The following CAD variants were observed in gnomAD, a reference collection of about 807,000 sequenced individuals.
CAD encodes the protein multifunctional protein CAD.
Under a neutral mutation model 237.2 loss-of-function variants are expected in CAD, and 81 were observed. The observed-to-expected ratio is 0.34, with a 90% CI of 0.29 to 0.41. The LOEUF is 0.41. Among genes scored for constraint, CAD ranks in the 10% least tolerant of loss-of-function variants. The probability of loss-of-function intolerance (pLI) is 1.00; values close to 1 mark genes in which losing one functional copy is unlikely to be tolerated. For missense variants in CAD, 2,181 were observed against 2,951.7 expected, an observed-to-expected ratio of 0.74 and a Z score of 6.05; for synonymous variants, 1,196 against 1,162.8, an observed-to-expected ratio of 1.03 and a Z score of -0.58.
At chr2:27,217,722 C>T in intron 1 of CAD, 89 bp downstream of exon 1, 1 of 1,432,436 alleles carries the variant, frequency 7.0e-7, no homozygotes, top group South Asian at 1.3e-5. Flanking sequence ...CCGCCATTTT[C>T]CCGCCAGCGT....
In CAD at chr2:27,233,875, T is replaced by C; in HGVS notation, c.3399+67T>C. 9 of 1,582,278 alleles carry C rather than the reference T, an allele frequency of 5.7e-6. No homozygotes were observed. Among genetic ancestry groups the C allele is most frequent in the Non-Finnish European group, 6.9e-6 (8 of 1,155,464 alleles). ...CAGCCCTGGAGGAGACTTCCTTCTC[T>C]GGTCCAGCAGAATCATAGGCACCAG... is the stretch of plus-strand genomic sequence containing the variant. On this transcript the variant is annotated intron_variant, in intron 21 of 43. Coordinates refer to ENST00000264705, the MANE Select transcript of CAD (RefSeq NM_004341.5). The surrounding 1 kb of genome is among the most constrained non-coding windows in gnomAD (Gnocchi z 6.3).
intron 22 of CAD, 103 bp downstream of exon 22, chr2:27,234,329 T>A: frequency 8.1e-7 from 1 of 1,241,042 alleles, no homozygotes; most frequent in Non-Finnish European, 1.2e-6. Context: ...TTCATCCAAG[T>A]AGGCAGGGAA....
chr2:27,243,641 A>G lies in CAD; in HGVS notation c.*123A>G. 5 of 772,196 alleles carry G rather than the reference A, an allele frequency of 6.5e-6. No individual in the cohort carries two copies. Among genetic ancestry groups the G allele is most frequent in the Non-Finnish European group, 1.1e-5 (5 of 472,600 alleles). The allele number at this position is 772,196 out of a possible 1,614,324, so 47.8% of individuals were successfully genotyped here. A position where few individuals can be genotyped will look rare whatever the true frequency, so the allele number is the denominator to read the frequency against. On this transcript the variant is annotated 3_prime_UTR_variant, in exon 44 of 44. Transcript: ENST00000264705. ...TCCAGATAGCTCACATGTGCTGACC[A>G]CACTTCAGGCTCTGGACTGGAGCTC... is the stretch of plus-strand genomic sequence containing the variant.
chr2:27,225,043 C>T lies in CAD; in HGVS notation c.1420C>T (p.Leu474=), dbSNP rs1675365326. Residue 474 remains leucine, a synonymous_variant, in exon 11 of 44, where the codon CTG becomes TTG. Coordinates refer to ENST00000264705, the MANE Select transcript of CAD (RefSeq NM_004341.5). The part of the protein sequence containing the change: ...IRNERPDGVL[L]TFGGQTALNC... ...TAATGAACGCCCCGATGGTGTGTTACTGACTTTTGGGGGCCAGACTGCTCT... is the reference window on the plus strand; with the variant it reads ...TAATGAACGCCCCGATGGTGTGTTATTGACTTTTGGGGGCCAGACTGCTCT... The T allele has an allele frequency of 6.2e-7, 1 of 1,612,342 alleles. No individual in the cohort carries two copies. The highest frequency in any genetic ancestry group is 8.5e-7 in the Non-Finnish European group (1 of 1,178,512).
Position 27,217,874 on chromosome 2 carries a change from C to G in CAD, c.83-3C>G, listed in dbSNP as rs151119882. On this transcript the variant is annotated splice_polypyrimidine_tract_variant and splice_region_variant and intron_variant, in intron 1 of 43. Transcript: ENST00000264705. ...GGAGCCCAGCCCTGCTTCTTTCTTGCAGTGTTTCAAACCGGCATGGTCGGC... is the reference window on the plus strand; with the variant it reads ...GGAGCCCAGCCCTGCTTCTTTCTTGGAGTGTTTCAAACCGGCATGGTCGGC... 2 of 1,597,034 alleles carry G rather than the reference C, an allele frequency of 1.3e-6. No individual in the cohort carries two copies. The highest frequency in any genetic ancestry group is 1.8e-5 in the Admixed American group (1 of 57,046).
chr2:27,226,532 T>A lies in CAD; in HGVS notation c.2039T>A (p.Ile680Asn). The stretch of plus-strand genomic sequence containing the variant: ...TATTCTCCTTCTTTGCAGTATTACA[T>A]CATTGAAGTGAATGCCAGGCTCTCT... ...ALNPESEQYY[I>N]IEVNARLSRS... The change falls in exon 14 of 44, where the codon ATC becomes AAC. Residue 680 changes from isoleucine to asparagine, a missense_variant. Ile to Asn is a moderately radical substitution (Grantham distance 149). Coordinates refer to ENST00000264705, the MANE Select transcript of CAD (RefSeq NM_004341.5). 1.2e-6 allele frequency: 2 copies of A among 1,614,148 alleles called. No individual in the cohort carries two copies. The highest frequency in any genetic ancestry group is 1.7e-6 in the Non-Finnish European group (2 of 1,180,012).
At chr2:27,219,055 G>A (rs1675019834) in intron 2 of CAD, among the ~76,000 whole-genome samples, 1 of 152,144 alleles carries the variant, frequency 6.6e-6, no homozygotes, top group African/African-American at 2.4e-5. Context: ...GTCAACTCTA[G>A]ACACACTGAC....
rs1558542185 is a variant in CAD at position 27,238,169 on chromosome 2, C to T, written c.4842C>T (p.His1614=). ...QLTQRSVHIC[H]VARKEEILLI... ...CTCAGCGCTCAGTGCACATATGTCA[C>T]GTGGCACGGAAGGAGGAGGTAAGAG... The change falls in exon 30 of 44, where the codon CAC becomes CAT. Residue 1614 remains histidine, a synonymous_variant. Coordinates refer to ENST00000264705, the MANE Select transcript of CAD (RefSeq NM_004341.5). 6 of 1,614,080 alleles carry T rather than the reference C, an allele frequency of 3.7e-6. No individual in the cohort carries two copies. The highest frequency in any genetic ancestry group is 2.2e-5 in the East Asian group (1 of 44,882).
At position 27,222,934 on chromosome 2, in the gene CAD, C is replaced by A; in HGVS notation, c.706C>A (p.Leu236Met). 1 of 1,614,208 alleles carries A rather than the reference C, an allele frequency of 6.2e-7. No individual in the cohort carries two copies. The highest frequency in any genetic ancestry group is 8.5e-7 in the Non-Finnish European group (1 of 1,180,030). Residue 236 changes from leucine (L) to methionine (M), a missense_variant, in exon 6 of 44, where the codon CTG (leucine) becomes ATG (methionine). By Grantham distance (15) the Leu-to-Met change is conservative. This residue lies in a region of CAD where 314 missense variants were observed against 339.4 expected (regional missense o/e 0.93). Transcript: ENST00000264705. Reference protein sequence around the residue: ...PASYPSVVSTLSRVLSEPNPR... With the variant: ...PASYPSVVSTMSRVLSEPNPR... ...CTCCTATCCCAGTGTCGTATCCACACTGAGCCGTGTTTTATCTGAGCCTAA... is the reference window on the plus strand; with the variant it reads ...CTCCTATCCCAGTGTCGTATCCACAATGAGCCGTGTTTTATCTGAGCCTAA...
In CAD at chr2:27,240,599, C is replaced by T. The variant is rs772157629; in HGVS notation, c.5593+238C>T. On this transcript the variant is annotated intron_variant, in intron 35 of 43. Transcript: ENST00000264705. The surrounding 1 kb of genome is among the most constrained non-coding windows in gnomAD (Gnocchi z 4.6). ...CCTCCGCCCAGGAGCTGGGATCCCA[C>T]GGGGCAGCAGAGCGTGGGGTAAATC... The T allele has an allele frequency of 2.2e-5, 34 of 1,544,268 alleles. No homozygotes were observed. Among genetic ancestry groups the T allele is most frequent in the Non-Finnish European group, 2.5e-5 (29 of 1,143,466 alleles).
intron 12 of CAD, 64 bp downstream of exon 12, chr2:27,225,990 C>G: frequency 6.5e-7 from 1 of 1,545,520 alleles, no homozygotes; most frequent in South Asian, 1.1e-5. Context: ...AGAGCAGAGG[C>G]CCAGGCCAAG....
At chr2:27,217,842 C>CTT in intron 1 of CAD, 35 bp from the exon 2 acceptor site, 2 of 1,560,576 alleles carry the variant, frequency 1.3e-6, no homozygotes, top group Non-Finnish European at 1.7e-6. Context: ...CCGAAGGGTG[C>CTT]CCTACCGGAG....
intron 15 of CAD, chr2:27,227,650 G>T (rs1572431933): frequency 6.6e-6 from 1 of 152,304 alleles, no homozygotes; most frequent in Non-Finnish European, 1.5e-5. Flanking sequence ...ACATGGGAAT[G>T]AAGCCATAAT....
Position 27,222,948 on chromosome 2 carries a change from A to G in CAD, c.720A>G (p.Leu240=), listed in dbSNP as rs1487065640. The change falls in exon 6 of 44, where the codon TTA becomes TTG. Residue 240 remains leucine (L), a synonymous_variant. Transcript: ENST00000264705. ...PSVVSTLSRV[L]SEPNPRPVFG... ...TCGTATCCACACTGAGCCGTGTTTT[A>G]TCTGAGCCTAATCCCCGACCTGTCT... The G allele has an allele frequency of 6.2e-7, 1 of 1,614,162 alleles. No individual in the cohort carries two copies. The highest frequency in any genetic ancestry group is 8.5e-7 in the Non-Finnish European group (1 of 1,180,038).
Position 27,231,483 on chromosome 2 carries a change from T to C in CAD, c.2303T>C (p.Ile768Thr). Residue 768 changes from isoleucine (I) to threonine (T), a missense_variant, in exon 16 of 44, where the codon ATT becomes ACT. This residue lies in a region of CAD where 385 missense variants were observed against 535.1 expected (regional missense o/e 0.72). Coordinates refer to ENST00000264705, the MANE Select transcript of CAD (RefSeq NM_004341.5). Reference protein sequence around the residue: ...CMKSVGEVMGIGRSFEEAFQK... With the variant: ...CMKSVGEVMGTGRSFEEAFQK... ...GTTCTTCCAGGTGAAGTCATGGGCA[T>C]TGGGCGTTCATTTGAGGAGGCCTTC... The C allele has an allele frequency of 6.2e-7, 1 of 1,607,746 alleles. No individual in the cohort carries two copies. The highest frequency in any genetic ancestry group is 1.3e-5 in the African/African-American group (1 of 74,906).
chr2:27,225,172 G>T lies in CAD; in HGVS notation c.1549G>T (p.Ala517Ser). The T allele has an allele frequency of 6.2e-7, 1 of 1,614,172 alleles. No homozygotes were observed. The highest frequency in any genetic ancestry group is 8.5e-7 in the Non-Finnish European group (1 of 1,180,018). The change falls in exon 11 of 44, where the codon GCC becomes TCC. Residue 517 changes from alanine (A) to serine (S), a missense_variant. By Grantham distance (99) the Ala-to-Ser change is moderately conservative. Around this residue, in one of 12 missense-constraint regions of CAD, gnomAD observed 174 missense variants for 215.8 expected, o/e 0.81. Transcript: ENST00000264705. ...ETIELTEDRR[A>S]FAARMAEIGE... ...CATTGAGCTGACCGAGGATCGACGG[G>T]CCTTTGCTGCCAGAATGGCAGAGAT...
Position 27,235,370 on chromosome 2 carries a change from A to G in CAD, c.3912A>G (p.Leu1304=), listed in dbSNP as rs143637443. Residue 1304 remains leucine (L), a synonymous_variant, in exon 24 of 44, where the codon CTA becomes CTG. Coordinates refer to ENST00000264705, the MANE Select transcript of CAD (RefSeq NM_004341.5). This position sits in a 1 kb window ranked among gnomAD's most constrained non-coding sequence, Gnocchi z 5.2. ...SRCEAYLKAM[L]STGFKIPKKN... The stretch of plus-strand genomic sequence containing the variant: ...GTGAGGCATACCTCAAGGCCATGCT[A>G]AGCACTGGCTTTAAGATCCCCAAGA... The G allele has an allele frequency of 1.2e-6, 2 of 1,613,834 alleles. No individual in the cohort carries two copies. The highest frequency in any genetic ancestry group is 1.3e-5 in the African/African-American group (1 of 74,902).
intron 15 of CAD, 54 bp downstream of exon 15, chr2:27,227,016 T>C: frequency 6.5e-7 from 1 of 1,549,602 alleles, no homozygotes; most frequent in Non-Finnish European, 8.9e-7. Flanking sequence ...CCAAGAATCT[T>C]AAATGTCAAG....
chr2:27,217,402 C>T lies in CAD; in HGVS notation c.-150C>T, dbSNP rs1674913608. 5.6e-6 allele frequency: 4 copies of T among 718,320 alleles called. No individual in the cohort carries two copies. In the South Asian group the frequency reaches 6.3e-5, roughly 11 times the overall value. 44.5% of individuals were successfully genotyped at this position (718,320 alleles called of 1,614,324 possible). ...CTGCTGCCGCCAAGCGCGCCCGAGG[C>T]TCCTACGCTGCCGCGCCCGGCTTCT... is the stretch of plus-strand genomic sequence containing the variant. On this transcript the variant is annotated 5_prime_UTR_variant, in exon 1 of 44. Transcript: ENST00000264705.
Sources: gnomAD v4.1 joint callset for allele counts (sites outside exome capture counted in the v4.1 genomes callset) on GRCh38, gnomAD v4.1.1 for gene constraint, gnomAD v4.1.1 regional missense constraint, Gnocchi (gnomAD v3.1) non-coding constraint, MANE v1.5 for transcripts, NCBI Gene and HGNC (gene_info 2026-07-23, HGNC 2026-07-21) for gene names.